Variants in CSMD1 observed in about 807,000 individuals in gnomAD.
CSMD1 encodes the protein CUB and Sushi multiple domains 1, also known as CUB and sushi domain-containing protein 1.
CSMD1 carries 213 observed loss-of-function variants against 417.5 expected under a neutral mutation model. The observed-to-expected ratio is 0.51, with a 90% confidence interval of 0.46 to 0.57. The LOEUF (loss-of-function observed/expected upper bound fraction) is 0.57. Ranked by LOEUF, CSMD1 falls within the 20% of genes least tolerant of loss-of-function variation. CSMD1 has a pLI of 0.00. For synonymous variants in CSMD1, 2,862 were observed against 1,736.8 expected, an observed-to-expected ratio of 1.65 and a Z score of -16.11; for missense variants, 6,923 against 4,529.7, an observed-to-expected ratio of 1.53 and a Z score of -15.17.
At chr8:3,085,247 G>T (rs1026651602) in intron 49 of CSMD1, among the ~76,000 whole-genome samples, 2 of 152,058 alleles carry the variant, frequency 1.3e-5, no homozygotes, top group Admixed American at 6.5e-5. Flanking sequence ...TTGTTTTTAA[G>T]ATCCCTCCAA....
chr8:4,376,707 C>A (rs571522953), intron 3 of CSMD1, among the ~76,000 whole-genome samples: 1 of 152,160 alleles, frequency 6.6e-6, no homozygotes. Context: ...TTAATCTTTG[C>A]AAACTGATTG....
At chr8:3,916,448 A>G (rs1394184861) in intron 5 of CSMD1, among the ~76,000 whole-genome samples, 11 of 152,314 alleles carry the variant, frequency 7.2e-5, no homozygotes, top group Non-Finnish European at 1.5e-4. Flanking sequence ...TATATGAACC[A>G]TGACATTACT....
At chr8:4,085,194 G>C (rs1005747580) in intron 3 of CSMD1, among the ~76,000 whole-genome samples, 1 of 152,146 alleles carries the variant, frequency 6.6e-6, no homozygotes. Context: ...CACAGTGCCT[G>C]CAACTTCAGC....
intron 2 of CSMD1, among the ~76,000 whole-genome samples, chr8:4,453,824 T>C (rs1395999628): frequency 2.3e-5 from 3 of 129,022 alleles, no homozygotes; most frequent in African/African-American, 5.8e-5. Flanking sequence ...CTTTTTTTTT[T>C]TTTTTTTTTT....
At chr8:3,303,972 T>C (rs1256102040) in intron 25 of CSMD1, among the ~76,000 whole-genome samples, 1 of 146,626 alleles carries the variant, frequency 6.8e-6, no homozygotes, top group African/African-American at 2.5e-5. Flanking sequence ...TTTTGGGGTA[T>C]TCGATTACCT....
intron 3 of CSMD1, among the ~76,000 whole-genome samples, chr8:4,377,737 C>G (rs1802846025): frequency 6.6e-6 from 1 of 152,116 alleles, no homozygotes; most frequent in African/African-American, 2.4e-5. Flanking sequence ...CTTACTCTGC[C>G]CATAACAACT....
chr8:4,517,416 G>A (rs975389513), intron 2 of CSMD1, among the ~76,000 whole-genome samples: 2 of 152,104 alleles, frequency 1.3e-5, no homozygotes, highest in Admixed American at 1.3e-4. Flanking sequence ...CCTATAACAC[G>A]CAGATAATAA....
At chr8:3,842,004 A>G (rs1238942964) in intron 5 of CSMD1, among the ~76,000 whole-genome samples, 2 of 152,196 alleles carry the variant, frequency 1.3e-5, no homozygotes, top group East Asian at 1.9e-4. Context: ...ATCAATTTGT[A>G]TATCGAGTTA....
intron 1 of CSMD1, among the ~76,000 whole-genome samples, chr8:4,819,703 C>G (rs1325227456): frequency 6.6e-6 from 1 of 152,112 alleles, no homozygotes; most frequent in Non-Finnish European, 1.5e-5. Flanking sequence ...AGTGTTTCTA[C>G]AGAGTTCTTA....
chr8:3,337,834 T>C (rs13264940), intron 23 of CSMD1, among the ~76,000 whole-genome samples: 47,299 of 152,050 alleles, frequency 0.31, 7,526 homozygotes, highest in Admixed American at 0.35. Context: ...GTGGCTCTGC[T>C]ACAAACCCAA....
intron 5 of CSMD1, among the ~76,000 whole-genome samples, chr8:3,892,454 A>G (rs1009300221): frequency 2.0e-5 from 3 of 152,132 alleles, no homozygotes; most frequent in Non-Finnish European, 4.4e-5. Context: ...ATAGCCCCTC[A>G]TTCATTCAGG....
chr8:3,512,294 G>C (rs1797108185), intron 10 of CSMD1, among the ~76,000 whole-genome samples: 2 of 152,242 alleles, frequency 1.3e-5, no homozygotes, highest in Non-Finnish European at 2.9e-5. Flanking sequence ...TGAAGATGCA[G>C]TGCTGAGTTT....
At chr8:3,594,053 G>C (rs1186524850) in intron 8 of CSMD1, among the ~76,000 whole-genome samples, 1 of 152,198 alleles carries the variant, frequency 6.6e-6, no homozygotes, top group East Asian at 1.9e-4. Flanking sequence ...AGGAATGAGA[G>C]AGGAAAAACC....
At position 3,106,573 on chromosome 8, in the gene CSMD1, G is replaced by T; in HGVS notation, c.6904C>A (p.Leu2302Ile). ...LVGTDILTCKLSSQLQFEGSL... is the reference protein window; with the variant it reads ...LVGTDILTCKISSQLQFEGSL... ...CCCTCAAACTGCAACTGGGAACTGAGCTTGCAAGTCAGAATGTCGGTCCCC... is the reference window on the plus strand; with the variant it reads ...CCCTCAAACTGCAACTGGGAACTGATCTTGCAAGTCAGAATGTCGGTCCCC... Residue 2302 changes from leucine to isoleucine, a missense_variant, in exon 46 of 70, where the codon CTC becomes ATC. Transcript: ENST00000635120. 1.9e-6 allele frequency: 3 copies of T among 1,613,826 alleles called. No homozygotes were observed. The highest frequency in any genetic ancestry group is 1.7e-6 in the Non-Finnish European group (2 of 1,179,806).
intron 26 of CSMD1, among the ~76,000 whole-genome samples, chr8:3,232,733 G>C (rs761970732): frequency 6.6e-6 from 1 of 151,848 alleles, no homozygotes; most frequent in East Asian, 1.9e-4. Context: ...GATTTCTCTC[G>C]ACCATCTTAG....
chr8:2,945,922 G>C (rs187268473), intron 68 of CSMD1, among the ~76,000 whole-genome samples: 58 of 152,284 alleles, frequency 3.8e-4, no homozygotes, highest in African/African-American at 1.3e-3. Flanking sequence ...TTTCTAAAGA[G>C]CATTATTGAA....
At chr8:3,574,009 G>C (rs891037033) in intron 10 of CSMD1, among the ~76,000 whole-genome samples, 2 of 151,936 alleles carry the variant, frequency 1.3e-5, no homozygotes, top group Non-Finnish European at 2.9e-5. Flanking sequence ...ATGATTATGA[G>C]TATGATTTCT....
In CSMD1 at chr8:3,846,310, A is replaced by T. The variant is rs1009596377; in HGVS notation, c.819-92268T>A. Among the ~76,000 whole-genome samples, 2 of 152,310 alleles carry T rather than the reference A, an allele frequency of 1.3e-5. 1 individual carries two copies. The highest frequency in any genetic ancestry group is 3.9e-4 in the East Asian group (2 of 5,182). ...TAGGTGATAGGAATATTCCAGCTCC[A>T]TGAGAATCTTATCCAACCACCTTTA... On this transcript the variant is annotated intron_variant, in intron 5 of 69. Coordinates refer to ENST00000635120, the MANE Select transcript of CSMD1 (RefSeq NM_033225.6).
chr8:4,104,595 G>C (rs997857029), intron 3 of CSMD1, among the ~76,000 whole-genome samples: 1 of 151,442 alleles, frequency 6.6e-6, no homozygotes, highest in Non-Finnish European at 1.5e-5. Flanking sequence ...ATAATTGCAT[G>C]AGAACGGTCT....
Sources: gnomAD v4.1 joint callset for allele counts (sites outside exome capture counted in the v4.1 genomes callset) on GRCh38, gnomAD v4.1.1 for gene constraint, MANE v1.5 for transcripts, NCBI Gene and HGNC (gene_info 2026-07-23, HGNC 2026-07-21) for gene names.